CDH18: variants seen among roughly 807,000 people sequenced by gnomAD.
CDH18 encodes the protein cadherin-18.
Under a neutral mutation model 67.9 loss-of-function variants are expected in CDH18, and 31 were observed. That is an observed-to-expected ratio of 0.46 (90% CI 0.34 to 0.62). The LOEUF (loss-of-function observed/expected upper bound fraction) is 0.62, where lower values mean the gene tolerates loss of function less well. Ranked by LOEUF, CDH18 falls within the 20% of genes least tolerant of loss-of-function variation. The probability of loss-of-function intolerance (pLI) is 0.01; values close to 1 mark genes in which losing one functional copy is unlikely to be tolerated. For missense variants in CDH18, 890 were observed against 975.5 expected (o/e 0.91, Z 1.17); for synonymous variants, 362 against 347.2 (o/e 1.04, Z -0.48).
chr5:19,987,286 A>ACG (rs1253127550), intron 1 of CDH18, among the ~76,000 whole-genome samples: 7 of 151,612 alleles, frequency 4.6e-5, no homozygotes, highest in Non-Finnish European at 1.0e-4. Context: ...ACACACACAC[A>ACG]CACGCATAAG....
chr5:20,189,397 G>C (rs10059256), intron 2 of CDH18, among the ~76,000 whole-genome samples: 105,936 of 151,936 alleles, frequency 0.7, 37,576 homozygotes, highest in African/African-American at 0.84. Flanking sequence ...CCCCTAGCTT[G>C]GAAAGTTCTC....
At chr5:20,104,636 C>A (rs2150581885) in intron 2 of CDH18, among the ~76,000 whole-genome samples, 1 of 152,244 alleles carries the variant, frequency 6.6e-6, no homozygotes, top group Admixed American at 6.5e-5. Context: ...GTCTGTCCCT[C>A]TTCTCCACAG....
chr5:19,917,915 A>G (rs1048005298), intron 2 of CDH18, among the ~76,000 whole-genome samples: 2 of 152,162 alleles, frequency 1.3e-5, no homozygotes, highest in African/African-American at 4.8e-5. Flanking sequence ...GTAGTAATAA[A>G]TCCTTATTGG....
At chr5:19,994,264 T>C (rs199875641) in intron 2 of CDH18, among the ~76,000 whole-genome samples, 14 of 142,324 alleles carry the variant, frequency 9.8e-5, no homozygotes, top group East Asian at 3.4e-4. Context: ...TATATACACA[T>C]ATATGTATAC....
At chr5:19,483,595 G>GC in intron 11 of CDH18, 43 bp from the exon 12 acceptor site, 1 of 1,530,534 alleles carries the variant, frequency 6.5e-7, no homozygotes, top group Non-Finnish European at 8.8e-7. Context: ...TAGTCAAGCC[G>GC]CCATTCAAGA....
At chr5:20,336,318 T>C (rs1739733764) in intron 1 of CDH18, among the ~76,000 whole-genome samples, 1 of 152,042 alleles carries the variant, frequency 6.6e-6, no homozygotes, top group Non-Finnish European at 1.5e-5. Flanking sequence ...GTTAGGCAGA[T>C]AGAGAGGGAG....
intron 2 of CDH18, among the ~76,000 whole-genome samples, chr5:20,091,829 C>T (rs527977447): frequency 1.1e-4 from 17 of 151,792 alleles, no homozygotes; most frequent in Middle Eastern, 6.8e-3. Context: ...AAATAACATT[C>T]AACTACCACA....
At chr5:20,278,168 A>G (rs1218747236) in intron 1 of CDH18, among the ~76,000 whole-genome samples, 1 of 152,144 alleles carries the variant, frequency 6.6e-6, no homozygotes, top group Non-Finnish European at 1.5e-5. Context: ...AAGTTATAGA[A>G]CACCAAGCAG....
chr5:19,961,991 C>T (rs1283472185), intron 2 of CDH18, among the ~76,000 whole-genome samples: 1 of 151,836 alleles, frequency 6.6e-6, no homozygotes, highest in African/African-American at 2.4e-5. Context: ...ACCTTCTCTC[C>T]TGTAGATATT....
intron 10 of CDH18, among the ~76,000 whole-genome samples, chr5:19,507,412 C>A (rs1185514981): frequency 1.3e-5 from 2 of 152,154 alleles, no homozygotes; most frequent in South Asian, 2.1e-4. Context: ...TGGGTATATA[C>A]CCAAAGGATT....
chr5:20,225,336 C>T (rs1213272507), intron 2 of CDH18, among the ~76,000 whole-genome samples: 3 of 151,870 alleles, frequency 2.0e-5, no homozygotes, highest in African/African-American at 7.3e-5. Flanking sequence ...ATACAAAATC[C>T]CTGAGATAAA....
Position 19,937,961 on chromosome 5 carries a change from C to CTATA in CDH18, c.-257+43095_-257+43098dup, listed in dbSNP as rs369843082. ...CACTAACCTTGAAAAAATATATTTG[C>CTATA]TATATATATATATAGTGTATATAAA... On this transcript the variant is annotated intron_variant, in intron 2 of 12. Transcript: ENST00000382275. Among the ~76,000 whole-genome samples the CTATA allele has an allele frequency of 2.4e-3, 342 of 144,416 alleles. 1 individual carries two copies. Among genetic ancestry groups the CTATA allele is most frequent in the African/African-American group, 7.6e-3 (302 of 39,704 alleles). The allele number at this position is 144,416 out of a possible 152,430, so 94.7% of individuals were successfully genotyped here.
rs542964057 is a variant in CDH18 at position 19,745,161 on chromosome 5, A to T, written c.523+1781T>A. Among the ~76,000 whole-genome samples, 14 of 152,238 alleles carry T rather than the reference A, an allele frequency of 9.2e-5. No individual in the cohort carries two copies. The South Asian group carries it at 2.7e-3, about 29-fold the overall frequency. ...TAGCTACTTCTTCCAGTCAGTTATG[A>T]TTTTAGGTACCAGGACAATAATTCA... On this transcript the variant is annotated intron_variant, in intron 4 of 12. Coordinates refer to ENST00000382275, the MANE Select transcript of CDH18 (RefSeq NM_004934.5).
chr5:20,342,918 A>T (rs1340192882), intron 1 of CDH18, among the ~76,000 whole-genome samples: 1 of 152,164 alleles, frequency 6.6e-6, no homozygotes, highest in Non-Finnish European at 1.5e-5. Flanking sequence ...AGACCTACTC[A>T]TCCCAGCTGG....
intron 3 of CDH18, chr5:19,804,051 G>A (rs528936053): frequency 2.7e-3 from 412 of 152,014 alleles, no homozygotes; most frequent in Non-Finnish European, 5.0e-3. Context: ...AATCCGGGAG[G>A]CGGAGCTTGC....
chr5:20,256,457 G>A (rs1744240362), intron 1 of CDH18, among the ~76,000 whole-genome samples: 4 of 151,882 alleles, frequency 2.6e-5, no homozygotes, highest in Admixed American at 2.0e-4. Flanking sequence ...AATACTTTAG[G>A]AGTATGTCAG....
At chr5:20,242,617 T>TACAC (rs1561905918) in intron 2 of CDH18, among the ~76,000 whole-genome samples, 8 of 121,682 alleles carry the variant, frequency 6.6e-5, no homozygotes, top group Middle Eastern at 4.0e-3. Context: ...AAAAAATATA[T>TACAC]ATATATATAT....
intron 2 of CDH18, among the ~76,000 whole-genome samples, chr5:19,943,053 T>C (rs934610137): frequency 6.6e-6 from 1 of 152,116 alleles, no homozygotes; most frequent in African/African-American, 2.4e-5. Flanking sequence ...AAGTTACTTG[T>C]AAAGAGACAG....
chr5:19,789,380 T>C (rs1402723705), intron 3 of CDH18, among the ~76,000 whole-genome samples: 1 of 152,206 alleles, frequency 6.6e-6, no homozygotes, highest in Non-Finnish European at 1.5e-5. Context: ...ATATGATAAT[T>C]ACTCAACAAA....
Sources: allele counts gnomAD v4.1 joint callset (sites outside exome capture counted in the v4.1 genomes callset), GRCh38; gene constraint gnomAD v4.1.1; transcripts MANE v1.5; gene names NCBI Gene and HGNC (gene_info 2026-07-23, HGNC 2026-07-21).